The following RAB3GAP1 variants were observed in gnomAD, a reference collection of about 807,000 sequenced individuals.
RAB3GAP1 encodes RAB3 GTPase activating protein catalytic subunit 1.
RAB3GAP1 carries 86 observed loss-of-function variants against 130.7 expected under a neutral mutation model. The observed-to-expected ratio is 0.66, with a 90% CI of 0.55 to 0.79. The LOEUF (loss-of-function observed/expected upper bound fraction) is 0.79. Ranked by LOEUF, RAB3GAP1 falls within the 30% of genes least tolerant of loss-of-function variation. RAB3GAP1 has a pLI of 0.00. For missense variants in RAB3GAP1, 1,029 were observed against 1,169.4 expected, an observed-to-expected ratio of 0.88 and a Z score of 1.75; for synonymous variants, 367 against 401.7, an observed-to-expected ratio of 0.91 and a Z score of 1.03.
At chr2:135,111,808 G>A (rs543780157) in intron 5 of RAB3GAP1, among the ~76,000 whole-genome samples, 29 of 151,966 alleles carry the variant, frequency 1.9e-4, no homozygotes, top group Non-Finnish European at 2.6e-4. Flanking sequence ...TACTTAAAAT[G>A]TGCACATTAT....
At chr2:135,168,265 T>A (rs1245332554) in intron 23 of RAB3GAP1, among the ~76,000 whole-genome samples, 3 of 152,218 alleles carry the variant, frequency 2.0e-5, no homozygotes, top group African/African-American at 4.8e-5. Context: ...AGGTCCTTTT[T>A]CATCAGATGT....
chr2:135,071,543 AAAAG>A (rs1689472579), intron 3 of RAB3GAP1, among the ~76,000 whole-genome samples: 1 of 152,100 alleles, frequency 6.6e-6, no homozygotes, highest in Non-Finnish European at 1.5e-5. Flanking sequence ...AAAAAAAAAA[AAAAG>A]AATTATTAGA....
At chr2:135,104,113 C>G (rs1690526736) in intron 5 of RAB3GAP1, among the ~76,000 whole-genome samples, 1 of 152,116 alleles carries the variant, frequency 6.6e-6, no homozygotes, top group Non-Finnish European at 1.5e-5. Flanking sequence ...TACCTGCAAA[C>G]TATACAGACA....
At chr2:135,097,839 C>G (rs1432671283) in intron 5 of RAB3GAP1, among the ~76,000 whole-genome samples, 1 of 152,138 alleles carries the variant, frequency 6.6e-6, no homozygotes, top group African/African-American at 2.4e-5. Context: ...TAGAGCTATA[C>G]TATAAATATT....
At chr2:135,075,174 G>A (rs2104847838) in intron 3 of RAB3GAP1, among the ~76,000 whole-genome samples, 1 of 152,280 alleles carries the variant, frequency 6.6e-6, no homozygotes, top group Non-Finnish European at 1.5e-5. Flanking sequence ...GGCCTAGAAG[G>A]CTGTCCTGTG....
intron 17 of RAB3GAP1, among the ~76,000 whole-genome samples, chr2:135,145,710 TA>T (rs1026182528): frequency 2.6e-5 from 4 of 152,194 alleles, no homozygotes; most frequent in African/African-American, 9.7e-5. Flanking sequence ...TAATTCAAAA[TA>T]AACACTTAAA....
intron 19 of RAB3GAP1, among the ~76,000 whole-genome samples, chr2:135,156,915 A>G (rs1416896371): frequency 6.6e-6 from 1 of 152,252 alleles, no homozygotes; most frequent in African/African-American, 2.4e-5. Context: ...GGAAGGCAGC[A>G]TGATATATAG....
At position 135,112,298 on chromosome 2, in the gene RAB3GAP1, C is replaced by T. The variant is rs111610142; in HGVS notation, c.363-853C>T. ...AACCGCAACACCGTCCCAGGTCACCCCAGCTAAAGACATTCTATACCAGCC... is the reference window on the plus strand; with the variant it reads ...AACCGCAACACCGTCCCAGGTCACCTCAGCTAAAGACATTCTATACCAGCC... On this transcript the variant is annotated intron_variant, in intron 5 of 23. Transcript: ENST00000264158. 1.0e-3 allele frequency among the ~76,000 whole-genome samples: 156 copies of T among 152,304 alleles called. 1 individual carries two copies. Among genetic ancestry groups the T allele is most frequent in the African/African-American group, 3.6e-3 (151 of 41,566 alleles).
chr2:135,116,872 A>AAAGAAAAAGAATTAT (rs1690985927), intron 7 of RAB3GAP1, among the ~76,000 whole-genome samples: 1 of 152,160 alleles, frequency 6.6e-6, no homozygotes, highest in African/African-American at 2.4e-5. Context: ...AGAATTTTCA[A>AAAGAAAAAGAATTAT]AAGAAAAAGA....
At position 135,081,301 on chromosome 2, in the gene RAB3GAP1, C is replaced by T. The variant is rs1290532099; in HGVS notation, c.151-9697C>T. Among the ~76,000 whole-genome samples, 6 of 57,810 alleles carry T rather than the reference C, an allele frequency of 1.0e-4. 1 individual carries two copies. Among genetic ancestry groups the T allele is most frequent in the South Asian group, 9.8e-4 (1 of 1,020 alleles). 37.9% of individuals were successfully genotyped at this position (57,810 alleles called of 152,430 possible). Reference sequence around the variant, plus strand: ...CAGCCTGGGTGACAGAGCAAGACTCCGTCTCAAAAAAAAAAAAAAAAAAAA... The same window carrying T: ...CAGCCTGGGTGACAGAGCAAGACTCTGTCTCAAAAAAAAAAAAAAAAAAAA... On this transcript the variant is annotated intron_variant, in intron 3 of 23. Coordinates refer to ENST00000264158, the MANE Select transcript of RAB3GAP1 (RefSeq NM_012233.3).
At chr2:135,054,494 G>T (rs889000693) in intron 2 of RAB3GAP1, among the ~76,000 whole-genome samples, 2 of 152,192 alleles carry the variant, frequency 1.3e-5, no homozygotes, top group Admixed American at 6.5e-5. Flanking sequence ...GAAGATTTAG[G>T]TAATAAACTT....
At chr2:135,135,173 A>G (rs1156850050) in intron 15 of RAB3GAP1, 92 bp from the exon 16 acceptor site, 3 of 1,005,168 alleles carry the variant, frequency 3.0e-6, no homozygotes, top group Admixed American at 1.7e-5. Context: ...TCTTATCAAT[A>G]TAGCTAAAAA....
At chr2:135,130,166 CTGTTT>C in intron 12 of RAB3GAP1, 79 bp downstream of exon 12, 5 of 1,171,254 alleles carry the variant, frequency 4.3e-6, no homozygotes, top group Non-Finnish European at 6.3e-6. Flanking sequence ...AACTTTTCAT[CTGTTT>C]TCTCATTTTG....
chr2:135,091,261 C>T, intron 4 of RAB3GAP1, 131 bp downstream of exon 4: 2 of 791,112 alleles, frequency 2.5e-6, no homozygotes, highest in Non-Finnish European at 4.0e-6. Flanking sequence ...AGTTGTTTCA[C>T]CACATCTGAG....
intron 3 of RAB3GAP1, among the ~76,000 whole-genome samples, chr2:135,069,151 A>G (rs570629841): frequency 1.3e-5 from 2 of 152,332 alleles, no homozygotes; most frequent in East Asian, 1.9e-4. Flanking sequence ...TGCCTGGTAT[A>G]TGCTTAGTAC....
chr2:135,126,654 T>C lies in RAB3GAP1; in HGVS notation c.971T>C (p.Leu324Pro), dbSNP rs1210207239. 3.1e-6 allele frequency: 5 copies of C among 1,607,838 alleles called. No individual in the cohort carries two copies. Among genetic ancestry groups the C allele is most frequent in the Non-Finnish European group, 4.3e-6 (5 of 1,174,330 alleles). Residue 324 changes from leucine to proline, a missense_variant and splice_region_variant, in exon 11 of 24, where the codon CTA becomes CCA. By Grantham distance (98) the Leu-to-Pro change is moderately conservative. This residue lies in a region of RAB3GAP1 where 510 missense variants were observed against 532.1 expected (regional missense o/e 0.96). Transcript: ENST00000264158. The part of the protein sequence containing the change: ...VRKAENPQCL[L>P]GDFVTEFFKI... ...AAAGCTGAGAATCCTCAGTGTTTGC[T>C]AGGTAAGGTATATTATGCTCCTTTC...
chr2:135,134,123 G>C, intron 15 of RAB3GAP1, 90 bp downstream of exon 15: 1 of 1,460,534 alleles, frequency 6.8e-7, no homozygotes, highest in Non-Finnish European at 9.5e-7. Context: ...CTTCTAGGAA[G>C]TCTGCCCTAA....
At chr2:135,114,606 T>C (rs551526596) in intron 6 of RAB3GAP1, among the ~76,000 whole-genome samples, 1 of 152,246 alleles carries the variant, frequency 6.6e-6, no homozygotes, top group African/African-American at 2.4e-5. Flanking sequence ...TCACATTTTT[T>C]GTCAATCAGT....
intron 8 of RAB3GAP1, among the ~76,000 whole-genome samples, chr2:135,123,551 A>G: frequency 6.6e-6 from 1 of 152,190 alleles, no homozygotes; most frequent in East Asian, 1.9e-4. Flanking sequence ...CAAAGAGAAA[A>G]AAATCCTTTT....
Sources: gnomAD v4.1 joint callset for allele counts (sites outside exome capture counted in the v4.1 genomes callset) on GRCh38, gnomAD v4.1.1 for gene constraint, gnomAD v4.1.1 regional missense constraint, MANE v1.5 for transcripts, NCBI Gene and HGNC (gene_info 2026-07-23, HGNC 2026-07-21) for gene names.